CEP63: variants seen among roughly 807,000 people sequenced by gnomAD.
CEP63 encodes centrosomal protein of 63 kDa.
Under a neutral mutation model 89.1 loss-of-function variants are expected in CEP63, and 84 were observed. The observed-to-expected ratio is 0.94, with a 90% confidence interval of 0.79 to 1.13. CEP63 has a LOEUF of 1.13. CEP63 is among the 50% of genes most tolerant of loss of function. The probability of loss-of-function intolerance (pLI) is 0.00; values close to 1 mark genes in which losing one functional copy is unlikely to be tolerated. For missense variants in CEP63, 838 were observed against 813.3 expected (o/e 1.03, Z -0.37); for synonymous variants, 267 against 272.5 (o/e 0.98, Z 0.20).
the CEP63 span, chr3:134,643,301 C>T: frequency 7.4e-5 from 119 of 1,613,040 alleles, no homozygotes; most frequent in South Asian, 1.9e-4. Flanking sequence ...TCACGGCTAG[C>T]GGCGAATCAC....
chr3:134,571,450 G>A (rs541908376), intron 11 of CEP63, among the ~76,000 whole-genome samples: 106 of 152,344 alleles, frequency 7.0e-4, no homozygotes, highest in African/African-American at 2.3e-3. Context: ...GGGAGACCGA[G>A]GCAGGTGGAT....
At chr3:134,701,277 C>CGTATATATGTGT in the CEP63 span, among the ~76,000 whole-genome samples, 1 of 38,686 alleles carries the variant, frequency 2.6e-5, no homozygotes, top group African/African-American at 9.2e-5. Flanking sequence ...CATATACACA[C>CGTATATATGTGT]ATATATACGT....
chr3:134,491,859 G>A (rs1372428409), intron 1 of CEP63, among the ~76,000 whole-genome samples: 1 of 152,086 alleles, frequency 6.6e-6, no homozygotes, highest in Non-Finnish European at 1.5e-5. Context: ...CTCTTAGTAT[G>A]TACACATTTA....
the CEP63 span, among the ~76,000 whole-genome samples, chr3:134,738,286 A>ACC: frequency 6.7e-6 from 1 of 149,394 alleles, no homozygotes; most frequent in African/African-American, 2.5e-5. Flanking sequence ...ACACACACAC[A>ACC]CACCACAATA....
At chr3:134,537,818 C>T (rs561708794) in intron 6 of CEP63, among the ~76,000 whole-genome samples, 5 of 152,278 alleles carry the variant, frequency 3.3e-5, no homozygotes, top group East Asian at 3.9e-4. Context: ...TCTGCCTATG[C>T]GGACAGATAC....
chr3:134,652,663 C>T, the CEP63 span, among the ~76,000 whole-genome samples: 36 of 152,176 alleles, frequency 2.4e-4, no homozygotes, highest in African/African-American at 6.0e-4. Context: ...CACACGCGCG[C>T]GCGCACACCT....
chr3:134,622,732 C>G, the CEP63 span, among the ~76,000 whole-genome samples: 1 of 152,078 alleles, frequency 6.6e-6, no homozygotes, highest in Non-Finnish European at 1.5e-5. Context: ...CGTAGGGGCC[C>G]TCAGGGAAAC....
the CEP63 span, among the ~76,000 whole-genome samples, chr3:134,668,319 T>A: frequency 6.6e-6 from 1 of 152,302 alleles, no homozygotes; most frequent in Admixed American, 6.5e-5. Flanking sequence ...TCTGACCTAC[T>A]GTTTCTTGTG....
the CEP63 span, among the ~76,000 whole-genome samples, chr3:134,733,366 CAA>C: frequency 0.26 from 36,354 of 141,508 alleles, 4,553 homozygotes; most frequent in African/African-American, 0.32. Flanking sequence ...ACTTTAAAGA[CAA>C]AAAAAAAAAA....
At chr3:134,698,605 A>G in the CEP63 span, among the ~76,000 whole-genome samples, 1 of 152,160 alleles carries the variant, frequency 6.6e-6, no homozygotes, top group African/African-American at 2.4e-5. Flanking sequence ...GTGGCTCCAA[A>G]CTGCTGCTAA....
At chr3:134,496,761 A>G (rs552694138) in intron 2 of CEP63, among the ~76,000 whole-genome samples, 2 of 152,212 alleles carry the variant, frequency 1.3e-5, no homozygotes, top group Non-Finnish European at 2.9e-5. Flanking sequence ...GAAATGTGAG[A>G]TGCAATCTCT....
At chr3:134,651,363 C>T in the CEP63 span, 2 of 1,137,676 alleles carry the variant, frequency 1.8e-6, no homozygotes, top group African/African-American at 3.3e-5. Context: ...CCACGGTCTC[C>T]GGAGGGTTCT....
chr3:134,600,716 C>T, the CEP63 span: 9 of 152,204 alleles, frequency 5.9e-5, no homozygotes, highest in Non-Finnish European at 2.9e-5. Context: ...TGAGTGTAGT[C>T]ACAGCTGTTC....
intron 3 of CEP63, among the ~76,000 whole-genome samples, chr3:134,522,561 C>A (rs556965902): frequency 1.2e-4 from 18 of 152,116 alleles, no homozygotes; most frequent in African/African-American, 4.3e-4. Context: ...CAGATTATTT[C>A]ATCACCCAGG....
intron 11 of CEP63, among the ~76,000 whole-genome samples, chr3:134,570,589 G>GT (rs1365056312): frequency 1.3e-5 from 2 of 152,208 alleles, no homozygotes; most frequent in Non-Finnish European, 2.9e-5. Flanking sequence ...TTTGGTCAAA[G>GT]CCATTCAACA....
the CEP63 span, among the ~76,000 whole-genome samples, chr3:134,742,793 A>G: frequency 5.9e-5 from 9 of 152,338 alleles, no homozygotes; most frequent in Admixed American, 2.0e-4. Context: ...CCCATCCACT[A>G]TCTACCATGG....
intron 3 of CEP63, among the ~76,000 whole-genome samples, chr3:134,522,418 G>A (rs1947662262): frequency 6.6e-6 from 1 of 152,144 alleles, no homozygotes; most frequent in South Asian, 2.1e-4. Flanking sequence ...AGCCAAATGA[G>A]AGTGATTGTG....
chr3:134,562,021 C>T lies in CEP63; in HGVS notation c.*486C>T. On this transcript the variant is annotated 3_prime_UTR_variant, in exon 15 of 15. Transcript: ENST00000675561. ...TTACTGGGCTGGTAGCCCCTCCTAG[C>T]CAAGGGGCTGGTAGTGTGTAAAGTC... The T allele has an allele frequency of 5.9e-6, 6 of 1,013,036 alleles. No individual in the cohort carries two copies. Among genetic ancestry groups the T allele is most frequent in the Non-Finnish European group, 7.1e-6 (6 of 846,672 alleles). 62.8% of individuals were successfully genotyped at this position (1,013,036 alleles called of 1,614,324 possible). A position where few individuals can be genotyped will look rare whatever the true frequency, so the allele number is the denominator to read the frequency against.
chr3:134,737,487 T>C, the CEP63 span, among the ~76,000 whole-genome samples: 1 of 152,130 alleles, frequency 6.6e-6, no homozygotes, highest in Non-Finnish European at 1.5e-5. Context: ...TATAAATAAG[T>C]AATTTACAAA....
Sources: allele counts gnomAD v4.1 joint callset (sites outside exome capture counted in the v4.1 genomes callset), GRCh38; gene constraint gnomAD v4.1.1; transcripts MANE v1.5; gene names NCBI Gene and HGNC (gene_info 2026-07-23, HGNC 2026-07-21).